The following DIP2C variants were observed in gnomAD, a reference collection of about 807,000 sequenced individuals.
DIP2C encodes DIP2 acetate--CoA ligase C (putative).
DIP2C carries 33 observed loss-of-function variants against 192.4 expected under a neutral mutation model. The observed-to-expected ratio is 0.17, with a 90% CI of 0.13 to 0.23. The LOEUF (loss-of-function observed/expected upper bound fraction) is 0.23, where lower values mean the gene tolerates loss of function less well. Among genes scored for constraint, DIP2C ranks in the 10% least tolerant of loss-of-function variants. The pLI is 1.00. For synonymous variants in DIP2C, 979 were observed against 864.1 expected, an observed-to-expected ratio of 1.13 and a Z score of -2.33; for missense variants, 1,537 against 2,110.1, an observed-to-expected ratio of 0.73 and a Z score of 5.32.
In DIP2C at chr10:418,235, C is replaced by G. The variant is rs1296408059; in HGVS notation, c.739+830G>C. On this transcript the variant is annotated intron_variant, in intron 6 of 36. Transcript: ENST00000280886. ...TGTCCACCTGTTCCTGTCAGGGCTT[C>G]GATAGGCCTCCCTGTTCACTGCACC... is the stretch of plus-strand genomic sequence containing the variant. 4.6e-4 allele frequency among the ~76,000 whole-genome samples: 51 copies of G among 109,958 alleles called. 3 individuals carry two copies. The highest frequency in any genetic ancestry group is 1.7e-3 in the African/African-American group (42 of 24,448). The allele number at this position is 109,958 out of a possible 152,430, so 72.1% of individuals were successfully genotyped here.
chr10:474,750 G>C (rs527700449), intron 2 of DIP2C, among the ~76,000 whole-genome samples: 2 of 152,290 alleles, frequency 1.3e-5, no homozygotes, highest in African/African-American at 4.8e-5. Context: ...CCTAGATACG[G>C]ACTTCTGGGT....
At chr10:478,568 T>C (rs1383395849) in intron 2 of DIP2C, among the ~76,000 whole-genome samples, 1 of 151,628 alleles carries the variant, frequency 6.6e-6, no homozygotes, top group African/African-American at 2.4e-5. Context: ...AATTCCTGTC[T>C]TATTCCCACT....
At chr10:470,922 T>C (rs1024050529) in intron 3 of DIP2C, among the ~76,000 whole-genome samples, 2 of 152,166 alleles carry the variant, frequency 1.3e-5, no homozygotes, top group Non-Finnish European at 2.9e-5. Flanking sequence ...GTGTGTTGTG[T>C]GTTCACAGAC....
chr10:609,747 C>T (rs892098916), intron 1 of DIP2C, among the ~76,000 whole-genome samples: 4 of 152,104 alleles, frequency 2.6e-5, no homozygotes, highest in African/African-American at 9.7e-5. Context: ...TTAACCAGGT[C>T]AAAAGCATTT....
chr10:594,860 G>T (rs77187428), intron 1 of DIP2C, among the ~76,000 whole-genome samples: 3,408 of 152,320 alleles, frequency 0.022, 140 homozygotes, highest in African/African-American at 0.078. Context: ...TGCAGGAAAT[G>T]ATGAGCCTGA....
At chr10:642,640 G>C (rs1855252810) in intron 1 of DIP2C, among the ~76,000 whole-genome samples, 1 of 152,262 alleles carries the variant, frequency 6.6e-6, no homozygotes, top group Non-Finnish European at 1.5e-5. Flanking sequence ...TGAAGGGCGT[G>C]TGCCACGGTC....
chr10:377,264 C>G (rs1589650575), intron 17 of DIP2C, among the ~76,000 whole-genome samples: 2 of 151,912 alleles, frequency 1.3e-5, no homozygotes, highest in South Asian at 4.2e-4. Flanking sequence ...GGCCACCTTT[C>G]TATTTCCAGG....
At chr10:447,946 G>A (rs12775202) in intron 3 of DIP2C, among the ~76,000 whole-genome samples, 2 of 118,548 alleles carry the variant, frequency 1.7e-5, no homozygotes, top group African/African-American at 4.3e-5. Context: ...CACACACAGT[G>A]GGGCAGCAGG....
At chr10:393,778 CAAAAAAAAAA>C (rs34390976) in intron 10 of DIP2C, among the ~76,000 whole-genome samples, 108 of 66,724 alleles carry the variant, frequency 1.6e-3, no homozygotes, top group African/African-American at 6.2e-3. Flanking sequence ...GACTCCGTCT[CAAAAAAAAAA>C]AAAAAAAAGA....
At chr10:293,066 C>T (rs185619185) in intron 32 of DIP2C, among the ~76,000 whole-genome samples, 107 of 152,380 alleles carry the variant, frequency 7.0e-4, no homozygotes, top group African/African-American at 1.9e-3. Flanking sequence ...ACAACTGCTT[C>T]GGACCAGTGC....
At chr10:362,439 A>G (rs1000315186) in intron 22 of DIP2C, 51 bp downstream of exon 22, 2 of 1,587,868 alleles carry the variant, frequency 1.3e-6, no homozygotes, top group Admixed American at 1.7e-5. Context: ...AGTGCCGTGC[A>G]GCCCCAAGGG....
chr10:526,764 A>T (rs1302030510), intron 1 of DIP2C, among the ~76,000 whole-genome samples: 1 of 152,218 alleles, frequency 6.6e-6, no homozygotes, highest in Non-Finnish European at 1.5e-5. Flanking sequence ...GCAAACTGGC[A>T]TTCATGCCTC....
At chr10:356,646 T>C (rs1441123038) in intron 23 of DIP2C, 140 bp from the exon 24 acceptor site, 1 of 641,336 alleles carries the variant, frequency 1.6e-6, no homozygotes, top group Non-Finnish European at 2.7e-6. Flanking sequence ...CTGCAGGGAG[T>C]TGAAGACATG....
rs145417198 is a variant in DIP2C at position 683,635 on chromosome 10, A to G, written c.85+5859T>C. Reference sequence around the variant, plus strand: ...ATTTGCCAAACAGCCAGTGACGGCAAGCAGGAGTTTGCTTTTTTAAAGGCG... The same window carrying G: ...ATTTGCCAAACAGCCAGTGACGGCAGGCAGGAGTTTGCTTTTTTAAAGGCG... On this transcript the variant is annotated intron_variant, in intron 1 of 36. Coordinates refer to ENST00000280886, the MANE Select transcript of DIP2C (RefSeq NM_014974.3). Among the ~76,000 whole-genome samples, 8 of 152,314 alleles carry G rather than the reference A, an allele frequency of 5.3e-5. No individual in the cohort carries two copies. The East Asian group carries it at 1.5e-3, about 29-fold the overall frequency.
intron 32 of DIP2C, among the ~76,000 whole-genome samples, chr10:305,360 G>C (rs1016033564): frequency 6.6e-6 from 1 of 152,112 alleles, no homozygotes; most frequent in Non-Finnish European, 1.5e-5. Flanking sequence ...GGACCTGATC[G>C]GGTGAAAGGC....
At chr10:525,622 G>A (rs1413956015) in intron 1 of DIP2C, among the ~76,000 whole-genome samples, 1 of 152,188 alleles carries the variant, frequency 6.6e-6, no homozygotes, top group Non-Finnish European at 1.5e-5. Flanking sequence ...AAGTGAAAAT[G>A]AACCTCCTGC....
intron 1 of DIP2C, among the ~76,000 whole-genome samples, chr10:550,859 G>A (rs888142449): frequency 2.6e-5 from 4 of 152,214 alleles, no homozygotes; most frequent in Non-Finnish European, 4.4e-5. Flanking sequence ...GGCCTGGCCG[G>A]GACTGAGAAG....
chr10:488,334 C>CA (rs1201680199), intron 1 of DIP2C, among the ~76,000 whole-genome samples: 1 of 152,224 alleles, frequency 6.6e-6, no homozygotes, highest in Admixed American at 6.5e-5. Context: ...CAAGACAGTT[C>CA]AGTGCAGCTC....
intron 10 of DIP2C, among the ~76,000 whole-genome samples, chr10:391,300 CAAAGGCACG>C (rs140706011): frequency 0.36 from 54,780 of 151,810 alleles, 10,043 homozygotes; most frequent in South Asian, 0.46. Context: ...ACTCAAAGAC[CAAAGGCACG>C]AAAGGCACAC....
Sources: allele counts gnomAD v4.1 joint callset (sites outside exome capture counted in the v4.1 genomes callset), GRCh38; gene constraint gnomAD v4.1.1; transcripts MANE v1.5; gene names NCBI Gene and HGNC (gene_info 2026-07-23, HGNC 2026-07-21).